Variants in SLC38A1 observed in about 807,000 individuals in gnomAD.
SLC38A1 encodes solute carrier family 38 member 1.
A neutral mutation model predicts 60.3 loss-of-function variants in SLC38A1; 18 were observed. The observed-to-expected ratio is 0.30, with a 90% CI of 0.21 to 0.44. The LOEUF (loss-of-function observed/expected upper bound fraction) is 0.44. SLC38A1 is among the 20% of genes least tolerant of loss of function. The pLI, the probability that SLC38A1 is intolerant of heterozygous loss-of-function variation, is 1.00. For synonymous variants in SLC38A1, 196 were observed against 212.1 expected (o/e 0.92, Z 0.66); for missense variants, 448 against 587.2 (o/e 0.76, Z 2.45).
At chr12:46,253,008 A>AAT (rs1941907615) in intron 1 of SLC38A1, among the ~76,000 whole-genome samples, 1 of 151,874 alleles carries the variant, frequency 6.6e-6, no homozygotes, top group Admixed American at 6.6e-5. Flanking sequence ...AAAAAAAAAA[A>AAT]AAAAAGTCTG....
At chr12:46,237,958 A>G (rs982247787) in intron 3 of SLC38A1, among the ~76,000 whole-genome samples, 3 of 151,824 alleles carry the variant, frequency 2.0e-5, no homozygotes, top group East Asian at 3.8e-4. Context: ...CTTTTTACCA[A>G]TGCCCAAGCA....
intron 8 of SLC38A1, 109 bp downstream of exon 8, chr12:46,207,046 G>A (rs1429443158): frequency 8.6e-6 from 6 of 700,572 alleles, no homozygotes; most frequent in Non-Finnish European, 1.2e-5. Context: ...CAAACAAAAC[G>A]CAGCCTAGGA....
At chr12:46,225,437 G>A (rs1940824995) in intron 5 of SLC38A1, among the ~76,000 whole-genome samples, 1 of 152,132 alleles carries the variant, frequency 6.6e-6, no homozygotes, top group Non-Finnish European at 1.5e-5. Flanking sequence ...TGGGCAAGAG[G>A]CATACTCTAA....
intron 2 of SLC38A1, among the ~76,000 whole-genome samples, chr12:46,240,181 T>G (rs1211806701): frequency 6.6e-6 from 1 of 152,110 alleles, no homozygotes; most frequent in Non-Finnish European, 1.5e-5. Context: ...AGACCCCCTT[T>G]TATGATATGA....
At chr12:46,264,179 CT>C (rs1942283534) in intron 1 of SLC38A1, among the ~76,000 whole-genome samples, 1 of 152,230 alleles carries the variant, frequency 6.6e-6, no homozygotes, top group Non-Finnish European at 1.5e-5. Flanking sequence ...TAGCAGCATG[CT>C]TAATGCCAGA....
At chr12:46,212,490 T>C (rs1416397812) in intron 5 of SLC38A1, among the ~76,000 whole-genome samples, 1 of 152,246 alleles carries the variant, frequency 6.6e-6, no homozygotes, top group African/African-American at 2.4e-5. Flanking sequence ...TTCAGACTTA[T>C]GTTCATCTTT....
At chr12:46,250,851 A>C (rs1170989326) in intron 1 of SLC38A1, among the ~76,000 whole-genome samples, 10 of 152,232 alleles carry the variant, frequency 6.6e-5, no homozygotes, top group Non-Finnish European at 1.5e-4. Flanking sequence ...GAGGACACAA[A>C]CAAATGGACT....
chr12:46,206,204 G>C (rs762858561), intron 8 of SLC38A1, 42 bp from the exon 9 acceptor site: 26 of 1,311,384 alleles, frequency 2.0e-5, no homozygotes, highest in Non-Finnish European at 3.2e-6. Context: ...TTTTTAGAAA[G>C]TGACTTTTTT....
In SLC38A1 at chr12:46,185,474, T is replaced by C. The variant is rs1938903626; in HGVS notation, c.*3496A>G. On this transcript the variant is annotated 3_prime_UTR_variant, in exon 17 of 17. Coordinates refer to ENST00000398637, the MANE Select transcript of SLC38A1 (RefSeq NM_030674.4). ...AAAAAAGGAAAGTGGGTGGAGAGGT[T>C]TTTTTTTCCCCCTTTTTTCTTGTTT... 6.6e-6 allele frequency: 1 copy of C among 151,864 alleles called. No individual in the cohort carries two copies. The highest frequency in any genetic ancestry group is 2.1e-4 in the South Asian group (1 of 4,794). 9.4% of individuals were successfully genotyped at this position (151,864 alleles called of 1,614,324 possible).
At chr12:46,218,458 CT>C (rs1940511670) in intron 5 of SLC38A1, among the ~76,000 whole-genome samples, 1 of 152,120 alleles carries the variant, frequency 6.6e-6, no homozygotes, top group African/African-American at 2.4e-5. Context: ...TTTTCCCATT[CT>C]GTTTTTGTGG....
chr12:46,234,770 T>C (rs1429850024), intron 3 of SLC38A1, among the ~76,000 whole-genome samples: 1 of 152,222 alleles, frequency 6.6e-6, no homozygotes, highest in Non-Finnish European at 1.5e-5. Context: ...CTTTTTGTAA[T>C]GGAAAATTCC....
intron 6 of SLC38A1, 113 bp downstream of exon 6, chr12:46,208,941 T>C: frequency 1.3e-6 from 1 of 750,340 alleles, no homozygotes; most frequent in Non-Finnish European, 2.2e-6. Flanking sequence ...GTCAAAATAG[T>C]CTTTCTTTTT....
intron 11 of SLC38A1, among the ~76,000 whole-genome samples, chr12:46,203,843 C>T (rs1038608102): frequency 2.6e-5 from 4 of 152,178 alleles, no homozygotes; most frequent in African/African-American, 9.7e-5. Flanking sequence ...GGATTCAAAT[C>T]CAAGCCTGAC....
chr12:46,187,790 T>TG lies in SLC38A1; in HGVS notation c.*1179_*1180insC, dbSNP rs1938988666. 1 of 150,732 alleles carries TG rather than the reference T, an allele frequency of 6.6e-6. No individual in the cohort carries two copies. Among genetic ancestry groups the TG allele is most frequent in the Non-Finnish European group, 1.5e-5 (1 of 67,662 alleles). 9.3% of individuals were successfully genotyped at this position (150,732 alleles called of 1,614,324 possible). A position where few individuals can be genotyped will look rare whatever the true frequency, so the allele number is the denominator to read the frequency against. ...AAAGACTATCTCTGAGGGTTTTTTTTTTTTTTTTTTCACAAGACTAGATGG... is the reference window on the plus strand; with the variant it reads ...AAAGACTATCTCTGAGGGTTTTTTTTGTTTTTTTTTTCACAAGACTAGATGG... On this transcript the variant is annotated 3_prime_UTR_variant, in exon 17 of 17. Coordinates refer to ENST00000398637, the MANE Select transcript of SLC38A1 (RefSeq NM_030674.4).
chr12:46,267,313 AG>A (rs1476151227), intron 1 of SLC38A1: 2 of 152,242 alleles, frequency 1.3e-5, no homozygotes, highest in African/African-American at 2.4e-5. Context: ...GGCGGCAGTT[AG>A]GTTTCTAACA....
At chr12:46,199,307 T>TTGTGTG (rs71067986) in intron 13 of SLC38A1, among the ~76,000 whole-genome samples, 25 of 125,340 alleles carry the variant, frequency 2.0e-4, no homozygotes, top group East Asian at 9.1e-4. Flanking sequence ...ATGTACTACT[T>TTGTGTG]TGTGTGTGTG....
In SLC38A1 at chr12:46,206,839, C is replaced by A. The variant is rs138883935; in HGVS notation, c.563+316G>T. On this transcript the variant is annotated intron_variant, in intron 8 of 16. Coordinates refer to ENST00000398637, the MANE Select transcript of SLC38A1 (RefSeq NM_030674.4). Reference sequence around the variant, plus strand: ...GGGTCTTAATTTTTGTTGCACGTTCCACTTTTGTGTTAAAAATACTGCATA... The same window carrying A: ...GGGTCTTAATTTTTGTTGCACGTTCAACTTTTGTGTTAAAAATACTGCATA... Among the ~76,000 whole-genome samples, 391 of 152,266 alleles carry A rather than the reference C, an allele frequency of 2.6e-3. 4 individuals are homozygous for A. The highest frequency in any genetic ancestry group is 3.0e-3 in the Non-Finnish European group (203 of 68,020).
At position 46,222,311 on chromosome 12, in the gene SLC38A1, A is replaced by C. The variant is rs556444513; in HGVS notation, c.314+6842T>G. ...AGTCTAAACTTTCCATCTCCACTCCACCTCTAGACCCTTTCTCACTCTCCA... is the reference window on the plus strand; with the variant it reads ...AGTCTAAACTTTCCATCTCCACTCCCCCTCTAGACCCTTTCTCACTCTCCA... On this transcript the variant is annotated intron_variant, in intron 5 of 16. Transcript: ENST00000398637. Among the ~76,000 whole-genome samples, 42 of 151,836 alleles carry C rather than the reference A, an allele frequency of 2.8e-4. No individual in the cohort carries two copies. In the East Asian group the frequency reaches 7.9e-3, roughly 29 times the overall value.
chr12:46,207,515 C>T lies in SLC38A1; in HGVS notation c.481+14G>A. On this transcript the variant is annotated intron_variant, in intron 7 of 16. Coordinates refer to ENST00000398637, the MANE Select transcript of SLC38A1 (RefSeq NM_030674.4). ...TAGTTTCAAGTTATGTAAAGAAAAG[C>T]ATGTTCTTTTTACCTCCAGTGTTCT... is the stretch of plus-strand genomic sequence containing the variant. 1.9e-6 allele frequency: 3 copies of T among 1,607,430 alleles called. No homozygotes were observed. Among genetic ancestry groups the T allele is most frequent in the South Asian group, 2.2e-5 (2 of 90,870 alleles).
Sources: gnomAD v4.1 joint callset for allele counts (sites outside exome capture counted in the v4.1 genomes callset) on GRCh38, gnomAD v4.1.1 for gene constraint, MANE v1.5 for transcripts, NCBI Gene and HGNC (gene_info 2026-07-23, HGNC 2026-07-21) for gene names.